Variants in DCDC2 observed in about 807,000 individuals in gnomAD.
The protein encoded by DCDC2 is doublecortin domain containing 2.
In DCDC2, 40 loss-of-function variants were observed where a neutral mutation model predicts 50.2. That is an observed-to-expected ratio of 0.80 (90% CI 0.62 to 1.04). The LOEUF (loss-of-function observed/expected upper bound fraction) is 1.04, where lower values mean the gene tolerates loss of function less well. Among genes scored for constraint, DCDC2 ranks in the 50% least tolerant of loss-of-function variants. The probability of loss-of-function intolerance (pLI) is 0.00; values close to 1 mark genes in which losing one functional copy is unlikely to be tolerated. For synonymous variants in DCDC2, 234 were observed against 210.6 expected, an observed-to-expected ratio of 1.11 and a Z score of -0.96; for missense variants, 570 against 581.9, an observed-to-expected ratio of 0.98 and a Z score of 0.21.
chr6:24,246,118 G>A (rs966408084), intron 7 of DCDC2, among the ~76,000 whole-genome samples: 43 of 152,088 alleles, frequency 2.8e-4, no homozygotes, highest in East Asian at 1.3e-3. Flanking sequence ...AAGCCACCGC[G>A]CCCGGCCTGG....
At chr6:24,259,106 G>A (rs145834468) in intron 7 of DCDC2, among the ~76,000 whole-genome samples, 245 of 151,224 alleles carry the variant, frequency 1.6e-3, no homozygotes, top group African/African-American at 5.5e-3. Context: ...TTTCTAGCTG[G>A]GTGATATCCA....
At chr6:24,351,431 T>C (rs964815840) in intron 2 of DCDC2, among the ~76,000 whole-genome samples, 2 of 152,176 alleles carry the variant, frequency 1.3e-5, no homozygotes, top group Non-Finnish European at 2.9e-5. Context: ...GGAAAGAGCA[T>C]GGACAAGCAG....
chr6:24,229,209 T>C (rs1186514684), intron 7 of DCDC2, among the ~76,000 whole-genome samples: 1 of 152,230 alleles, frequency 6.6e-6, no homozygotes, highest in Admixed American at 6.5e-5. Flanking sequence ...GGCAGGACTA[T>C]GTTCCTTCTG....
rs547279394 is a variant in DCDC2 at position 24,266,107 on chromosome 6, T to C, written c.922+11942A>G. Among the ~76,000 whole-genome samples, 220 of 152,254 alleles carry C rather than the reference T, an allele frequency of 1.4e-3. 2 individuals are homozygous for C. The highest frequency in any genetic ancestry group is 5.0e-3 in the African/African-American group (209 of 41,554). The stretch of plus-strand genomic sequence containing the variant: ...ATACACTGGGGAAAGGACAGTCTCT[T>C]CAATAAATGGTGCTGGGAAAACTGG... On this transcript the variant is annotated intron_variant, in intron 7 of 9. Transcript: ENST00000378454.
intron 1 of DCDC2, among the ~76,000 whole-genome samples, chr6:24,355,978 T>C (rs1394082805): frequency 6.6e-6 from 1 of 152,174 alleles, no homozygotes; most frequent in Non-Finnish European, 1.5e-5. Context: ...CTTTTTTCTA[T>C]CCTGGGGCCC....
intron 2 of DCDC2, among the ~76,000 whole-genome samples, chr6:24,331,299 CT>C (rs58756557): frequency 0.31 from 45,848 of 145,682 alleles, 8,313 homozygotes; most frequent in African/African-American, 0.53. Context: ...CTATATATAC[CT>C]TTTTTTTTTT....
chr6:24,288,750 G>C (rs140939087), intron 6 of DCDC2, 102 bp downstream of exon 6: 4 of 1,026,790 alleles, frequency 3.9e-6, no homozygotes, highest in Non-Finnish European at 3.0e-6. Flanking sequence ...ACCACGAAGC[G>C]GCTAAGTTTT....
At chr6:24,309,777 C>T (rs2113844213) in intron 2 of DCDC2, among the ~76,000 whole-genome samples, 1 of 152,154 alleles carries the variant, frequency 6.6e-6, no homozygotes, top group South Asian at 2.1e-4. Context: ...GACAGGCAGA[C>T]TGGAAAAAGG....
chr6:24,209,593 T>A (rs1277269811), intron 7 of DCDC2, among the ~76,000 whole-genome samples: 2 of 152,216 alleles, frequency 1.3e-5, no homozygotes, highest in Non-Finnish European at 2.9e-5. Context: ...CCAATAATAG[T>A]TCTGCACACA....
intron 4 of DCDC2, among the ~76,000 whole-genome samples, chr6:24,296,140 C>T (rs564058897): frequency 5.3e-5 from 8 of 152,172 alleles, no homozygotes; most frequent in South Asian, 2.1e-4. Context: ...TGTAGACCAA[C>T]GGAACCAAAT....
intron 2 of DCDC2, among the ~76,000 whole-genome samples, chr6:24,337,118 A>G (rs1362526729): frequency 6.6e-6 from 1 of 152,196 alleles, no homozygotes; most frequent in Non-Finnish European, 1.5e-5. Context: ...TACTCGAAAC[A>G]TCTGGAAAAA....
At chr6:24,357,301 C>G (rs2282398) in intron 1 of DCDC2, 157 bp downstream of exon 1, 16 of 836,450 alleles carry the variant, frequency 1.9e-5, no homozygotes, top group East Asian at 8.3e-5. Context: ...ACCTCTACCC[C>G]CCAACTGCAA....
chr6:24,182,695 C>A (rs1008633602), intron 8 of DCDC2, among the ~76,000 whole-genome samples: 1 of 147,378 alleles, frequency 6.8e-6, no homozygotes, highest in African/African-American at 2.5e-5. Flanking sequence ...AACTCCTGGG[C>A]ATTTTGGGGG....
At chr6:24,340,623 C>T (rs1259935767) in intron 2 of DCDC2, among the ~76,000 whole-genome samples, 4 of 152,022 alleles carry the variant, frequency 2.6e-5, no homozygotes, top group African/African-American at 9.7e-5. Flanking sequence ...TCTAGTTATC[C>T]ACTCGTTTCT....
intron 7 of DCDC2, among the ~76,000 whole-genome samples, chr6:24,237,682 A>G (rs745320226): frequency 2.6e-5 from 4 of 152,240 alleles, no homozygotes; most frequent in Non-Finnish European, 2.9e-5. Flanking sequence ...GTGTCTATCA[A>G]TGGTGGATTG....
intron 7 of DCDC2, among the ~76,000 whole-genome samples, chr6:24,208,853 T>C (rs1351713431): frequency 6.6e-6 from 1 of 152,256 alleles, no homozygotes; most frequent in Admixed American, 6.5e-5. Flanking sequence ...ACATGTTCTT[T>C]AAACTGAACT....
At chr6:24,289,614 C>T (rs1359354178) in intron 5 of DCDC2, among the ~76,000 whole-genome samples, 1 of 152,134 alleles carries the variant, frequency 6.6e-6, no homozygotes, top group Non-Finnish European at 1.5e-5. Flanking sequence ...GCAAAGATGG[C>T]TAAAGATTTG....
chr6:24,223,546 G>C (rs1762161863), intron 7 of DCDC2, among the ~76,000 whole-genome samples: 1 of 152,180 alleles, frequency 6.6e-6, no homozygotes. Flanking sequence ...AATTGCTGGA[G>C]GTGGTACACT....
chr6:24,252,945 C>T (rs183260136), intron 7 of DCDC2, among the ~76,000 whole-genome samples: 102 of 151,944 alleles, frequency 6.7e-4, no homozygotes, highest in Non-Finnish European at 1.1e-3. Flanking sequence ...CTAAATAACC[C>T]GGGGTCAAAG....
Sources: allele counts gnomAD v4.1 joint callset (sites outside exome capture counted in the v4.1 genomes callset), GRCh38; gene constraint gnomAD v4.1.1; transcripts MANE v1.5; gene names NCBI Gene and HGNC (gene_info 2026-07-23, HGNC 2026-07-21).